Variants in CNTN6 observed in about 807,000 individuals in gnomAD.
CNTN6 encodes the protein contactin 6, also known as contactin-6.
A neutral mutation model predicts 122.8 loss-of-function variants in CNTN6; 137 were observed. That is an observed-to-expected ratio of 1.12 (90% CI 0.97 to 1.29). CNTN6 has a LOEUF of 1.29. Among genes scored for constraint, CNTN6 ranks in the 50% most tolerant of loss-of-function variants. CNTN6 has a pLI of 0.00. For synonymous variants in CNTN6, 570 were observed against 426.0 expected (o/e 1.34, Z -4.16); for missense variants, 1,634 against 1,223.4 (o/e 1.34, Z -5.01).
chr3:1,177,139 A>G (rs575205184), intron 2 of CNTN6, among the ~76,000 whole-genome samples: 2 of 152,348 alleles, frequency 1.3e-5, no homozygotes, highest in East Asian at 1.9e-4. Context: ...CAAGAACGTC[A>G]ACGTGATAAA....
intron 2 of CNTN6, among the ~76,000 whole-genome samples, chr3:1,176,626 A>G (rs2125320172): frequency 6.6e-6 from 1 of 152,352 alleles, no homozygotes; most frequent in Admixed American, 6.5e-5. Flanking sequence ...TCAAGTATAT[A>G]GAGAAGTTAA....
chr3:1,394,078 G>T, intron 20 of CNTN6: 1 of 161,642 alleles, frequency 6.2e-6, no homozygotes, highest in South Asian at 1.5e-4. Flanking sequence ...GGGACAGATG[G>T]AGGAGAGGGG....
At chr3:1,166,516 A>G (rs916881369) in intron 2 of CNTN6, among the ~76,000 whole-genome samples, 3 of 152,206 alleles carry the variant, frequency 2.0e-5, no homozygotes, top group African/African-American at 7.2e-5. Flanking sequence ...TTAAGAAAAT[A>G]CAAGTTTTTA....
intron 5 of CNTN6, among the ~76,000 whole-genome samples, chr3:1,290,408 T>C (rs1182522268): frequency 6.6e-6 from 1 of 152,074 alleles, no homozygotes; most frequent in East Asian, 1.9e-4. Context: ...CTTGTGGAGC[T>C]TGGGAGTTTT....
chr3:1,394,981 C>T lies in CNTN6; in HGVS notation c.2705-6452C>T, dbSNP rs185707556. On this transcript the variant is annotated intron_variant, in intron 20 of 22. Transcript: ENST00000446702. Reference sequence around the variant, plus strand: ...AATTCTAAACTGAAGATTAGCGTTCCTTTAAGTATTCAGCTTTCTTAACTA... The same window carrying T: ...AATTCTAAACTGAAGATTAGCGTTCTTTTAAGTATTCAGCTTTCTTAACTA... Among the ~76,000 whole-genome samples, 438 of 152,238 alleles carry T rather than the reference C, an allele frequency of 2.9e-3. 1 individual carries two copies. The highest frequency in any genetic ancestry group is 5.3e-3 in the Non-Finnish European group (358 of 68,006).
intron 20 of CNTN6, among the ~76,000 whole-genome samples, chr3:1,387,913 G>A (rs551800073): frequency 1.5e-4 from 23 of 152,190 alleles, no homozygotes; most frequent in East Asian, 3.9e-4. Context: ...AGGGTCCTAC[G>A]CCCACGGAAT....
chr3:1,094,343 A>C (rs2090404871), intron 1 of CNTN6, among the ~76,000 whole-genome samples: 1 of 152,136 alleles, frequency 6.6e-6, no homozygotes. Context: ...ATACTTACAC[A>C]ATTTGTGTAA....
rs1473401877 is a variant in CNTN6, at chr3:1,388,256, T to C, written c.2704+2459T>C. ...CCTCCTCAAGTGGGTCCCTGACCCCTGACCCCCGAGCAGCCTAACTGGGAG... is the reference window on the plus strand; with the variant it reads ...CCTCCTCAAGTGGGTCCCTGACCCCCGACCCCCGAGCAGCCTAACTGGGAG... On this transcript the variant is annotated intron_variant, in intron 20 of 22. Transcript: ENST00000446702. Among the ~76,000 whole-genome samples the C allele has an allele frequency of 2.0e-5, 3 of 149,174 alleles. No homozygotes were observed. The Admixed American group carries it at 2.0e-4, about 10-fold the overall frequency.
chr3:1,248,401 C>T (rs538968813), intron 4 of CNTN6, among the ~76,000 whole-genome samples: 1 of 152,298 alleles, frequency 6.6e-6, no homozygotes, highest in East Asian at 1.9e-4. Flanking sequence ...AACCTTCCTA[C>T]AGTTATTTCT....
chr3:1,339,086 T>A (rs967805922), intron 11 of CNTN6, among the ~76,000 whole-genome samples: 2 of 152,056 alleles, frequency 1.3e-5, no homozygotes, highest in Non-Finnish European at 2.9e-5. Context: ...AGCCACTGAC[T>A]AGAATTTTTC....
chr3:1,113,856 TCTCA>T (rs3068150), intron 1 of CNTN6, among the ~76,000 whole-genome samples: 141,978 of 151,920 alleles, frequency 0.93, 66,456 homozygotes, highest in East Asian at 0.99. Context: ...AGTTAAATAC[TCTCA>T]CTCACTCAAA....
intron 5 of CNTN6, among the ~76,000 whole-genome samples, chr3:1,289,738 G>A (rs1472653488): frequency 2.0e-5 from 3 of 149,168 alleles, no homozygotes; most frequent in South Asian, 4.2e-4. Context: ...GCAGGGGCGC[G>A]ATCTCAGCTC....
rs868698014 is a variant in CNTN6, at chr3:1,391,776, G to A, written c.2704+5979G>A. Among the ~76,000 whole-genome samples, 1,428 of 150,050 alleles carry A rather than the reference G, an allele frequency of 9.5e-3. 6 individuals are homozygous for A. The highest frequency in any genetic ancestry group is 0.015 in the Non-Finnish European group (1,040 of 67,540). The stretch of plus-strand genomic sequence containing the variant: ...TACACCAACAACAGACAAACAGAGA[G>A]CCAAATCATGAGTGAACTCCCATTC... On this transcript the variant is annotated intron_variant, in intron 20 of 22. Transcript: ENST00000446702.
chr3:1,243,568 T>A (rs1345273425), intron 4 of CNTN6, among the ~76,000 whole-genome samples: 5 of 151,888 alleles, frequency 3.3e-5, no homozygotes, highest in African/African-American at 1.2e-4. Flanking sequence ...GGCTGTAAAG[T>A]GGCTCAGGGT....
intron 5 of CNTN6, among the ~76,000 whole-genome samples, chr3:1,289,593 T>G (rs977457814): frequency 1.3e-5 from 2 of 152,096 alleles, no homozygotes; most frequent in East Asian, 3.9e-4. Context: ...TGGTCCACCA[T>G]TCAAAATCCA....
intron 2 of CNTN6, among the ~76,000 whole-genome samples, chr3:1,164,670 G>A (rs548660548): frequency 6.6e-6 from 1 of 152,314 alleles, no homozygotes; most frequent in South Asian, 2.1e-4. Context: ...GGACTCAGAA[G>A]CCTATGCAAC....
chr3:1,194,177 C>T (rs971611052), intron 2 of CNTN6, among the ~76,000 whole-genome samples: 1 of 151,504 alleles, frequency 6.6e-6, no homozygotes, highest in African/African-American at 2.4e-5. Context: ...TGAAGATCAA[C>T]ACATTCTAGG....
chr3:1,103,435 A>G (rs1054668847), intron 1 of CNTN6, among the ~76,000 whole-genome samples: 8 of 152,174 alleles, frequency 5.3e-5, no homozygotes, highest in African/African-American at 1.7e-4. Flanking sequence ...GACTGTGCCT[A>G]TGCGGTTTGT....
chr3:1,158,997 C>T (rs1218350171), intron 2 of CNTN6, among the ~76,000 whole-genome samples: 2 of 142,900 alleles, frequency 1.4e-5, no homozygotes, highest in Non-Finnish European at 3.0e-5. Flanking sequence ...CAAGGTCTTG[C>T]TAATTCTTAA....
Sources: gnomAD v4.1 joint callset for allele counts (sites outside exome capture counted in the v4.1 genomes callset) on GRCh38, gnomAD v4.1.1 for gene constraint, MANE v1.5 for transcripts, NCBI Gene and HGNC (gene_info 2026-07-23, HGNC 2026-07-21) for gene names.